Variants in RANBP9 observed in about 807,000 individuals in gnomAD.
RANBP9 encodes the protein RAN binding protein 9, also known as ran-binding protein 9.
Under a neutral mutation model 84.3 loss-of-function variants are expected in RANBP9, and 15 were observed. That is an observed-to-expected ratio of 0.18 (90% CI 0.12 to 0.27). The LOEUF (loss-of-function observed/expected upper bound fraction) is 0.27, where lower values mean the gene tolerates loss of function less well. RANBP9 is among the 10% of genes least tolerant of loss of function. The probability of loss-of-function intolerance (pLI) is 1.00; values close to 1 mark genes in which losing one functional copy is unlikely to be tolerated. For missense variants in RANBP9, 809 were observed against 912.8 expected (o/e 0.89, Z 1.46); for synonymous variants, 392 against 349.6 (o/e 1.12, Z -1.35).
At chr6:13,696,653 T>C (rs1157083862) in intron 2 of RANBP9, 132 bp downstream of exon 2, 1 of 672,642 alleles carries the variant, frequency 1.5e-6, no homozygotes, top group South Asian at 2.1e-5. Context: ...CAATCTGTTA[T>C]ACTGAAATAT....
chr6:13,652,538 T>C (rs889598069), intron 5 of RANBP9, 121 bp downstream of exon 5: 3 of 929,148 alleles, frequency 3.2e-6, no homozygotes, highest in African/African-American at 1.7e-5. Flanking sequence ...TCTTTGCATG[T>C]CATATAAACC....
intron 2 of RANBP9, among the ~76,000 whole-genome samples, chr6:13,670,228 G>A (rs575693521): frequency 9.9e-5 from 15 of 152,130 alleles, no homozygotes; most frequent in South Asian, 6.2e-4. Flanking sequence ...GGGAGGCGGA[G>A]GTTGCAGTGA....
chr6:13,644,298 C>T (rs181153583), intron 6 of RANBP9, among the ~76,000 whole-genome samples: 99 of 152,302 alleles, frequency 6.5e-4, no homozygotes, highest in African/African-American at 2.3e-3. Flanking sequence ...GACCTAACAT[C>T]ATTTTATTTC....
intron 1 of RANBP9, among the ~76,000 whole-genome samples, chr6:13,707,306 A>G (rs1036248194): frequency 3.3e-5 from 5 of 152,226 alleles, no homozygotes; most frequent in African/African-American, 1.2e-4. Context: ...GGCGTAAGCC[A>G]CCACACCCAC....
chr6:13,650,840 T>C (rs1305757493), intron 5 of RANBP9, among the ~76,000 whole-genome samples: 1 of 152,116 alleles, frequency 6.6e-6, no homozygotes, highest in African/African-American at 2.4e-5. Flanking sequence ...GGCGTGCACC[T>C]GTGGTCCCAG....
chr6:13,635,940 G>GT (rs1158658841), intron 10 of RANBP9, among the ~76,000 whole-genome samples: 4 of 151,722 alleles, frequency 2.6e-5, no homozygotes, highest in Admixed American at 1.3e-4. Context: ...CTGCCTTCCT[G>GT]TAGCAAACAA....
chr6:13,640,408 G>T (rs569216877), intron 8 of RANBP9, among the ~76,000 whole-genome samples: 18 of 152,166 alleles, frequency 1.2e-4, no homozygotes, highest in Admixed American at 7.9e-4. Flanking sequence ...TCACTTCTGG[G>T]TATATAACCA....
chr6:13,665,609 C>T (rs1765626996), intron 2 of RANBP9, among the ~76,000 whole-genome samples: 1 of 152,124 alleles, frequency 6.6e-6, no homozygotes, highest in African/African-American at 2.4e-5. Context: ...CCTGCCTACC[C>T]TACGACCCAG....
At position 13,711,464 on chromosome 6, in the gene RANBP9, TTGCTGC is replaced by T. The variant is rs753944658; in HGVS notation, c.36_41del (p.Gln17_Gln18del). ...GTGGCGGCGACAGCTGCTGCTGCTGTTGCTGCTGCTGCGGCGGCGGCGGCGGCGGCT... is the reference window on the plus strand; with the variant it reads ...GTGGCGGCGACAGCTGCTGCTGCTGTTGCTGCGGCGGCGGCGGCGGCGGCT... On this transcript the variant is annotated inframe_deletion, in exon 1 of 14. Transcript: ENST00000011619. 657 of 1,235,874 alleles carry T rather than the reference TTGCTGC, an allele frequency of 5.3e-4. No individual in the cohort carries two copies. The highest frequency in any genetic ancestry group is 2.5e-3 in the South Asian group (70 of 27,786). The allele number at this position is 1,235,874 out of a possible 1,614,324, so 76.6% of individuals were successfully genotyped here. A position where few individuals can be genotyped will look rare whatever the true frequency, so the allele number is the denominator to read the frequency against.
chr6:13,638,466 A>G (rs571056915), intron 9 of RANBP9, among the ~76,000 whole-genome samples: 3 of 152,256 alleles, frequency 2.0e-5, no homozygotes, highest in South Asian at 4.1e-4. Context: ...AGAATGTTAA[A>G]TGTACAAAGA....
chr6:13,666,124 C>CCA (rs144987300), intron 2 of RANBP9, among the ~76,000 whole-genome samples: 29 of 151,242 alleles, frequency 1.9e-4, no homozygotes, highest in South Asian at 4.2e-4. Flanking sequence ...GTAAACTGTA[C>CCA]CACACACACA....
At chr6:13,657,868 T>C (rs1765438890) in intron 3 of RANBP9, among the ~76,000 whole-genome samples, 2 of 152,232 alleles carry the variant, frequency 1.3e-5, no homozygotes, top group Admixed American at 6.5e-5. Context: ...AAACAAAGCA[T>C]GTCAAGGTAA....
At chr6:13,645,816 CAA>C (rs1765165280) in intron 5 of RANBP9, among the ~76,000 whole-genome samples, 2 of 152,178 alleles carry the variant, frequency 1.3e-5, no homozygotes, top group African/African-American at 4.8e-5. Context: ...AGGTAAAGAT[CAA>C]GAGCGGATAA....
At chr6:13,634,164 G>T (rs1317503247) in intron 11 of RANBP9, among the ~76,000 whole-genome samples, 1 of 152,198 alleles carries the variant, frequency 6.6e-6, no homozygotes, top group African/African-American at 2.4e-5. Flanking sequence ...CTCAACACCA[G>T]TAAGTCAGTA....
At chr6:13,686,794 G>T (rs963316241) in intron 2 of RANBP9, among the ~76,000 whole-genome samples, 1 of 152,118 alleles carries the variant, frequency 6.6e-6, no homozygotes, top group African/African-American at 2.4e-5. Flanking sequence ...AAGTCCACTG[G>T]CACATTATCT....
rs546533213 is a variant in RANBP9 at position 13,699,146 on chromosome 6, T to C, written c.572-2250A>G. 3.3e-5 allele frequency among the ~76,000 whole-genome samples: 5 copies of C among 152,324 alleles called. No homozygotes were observed. The South Asian group carries it at 8.3e-4, about 25-fold the overall frequency. ...AAAAAAATAAAATGTTTACACATTA[T>C]ATACCCAGCCCCAAATTGGTAGAAA... On this transcript the variant is annotated intron_variant, in intron 1 of 13. Transcript: ENST00000011619.
At chr6:13,631,136 T>C (rs149583876) in intron 12 of RANBP9, among the ~76,000 whole-genome samples, 497 of 152,290 alleles carry the variant, frequency 3.3e-3, no homozygotes, top group Non-Finnish European at 5.5e-3. Context: ...TAAACTTGTT[T>C]CAATTATCAA....
intron 1 of RANBP9, among the ~76,000 whole-genome samples, chr6:13,697,415 T>C (rs1412877249): frequency 6.6e-6 from 1 of 152,236 alleles, no homozygotes; most frequent in Admixed American, 6.5e-5. Context: ...GTTTTGTTCT[T>C]TGGTATAGTC....
intron 12 of RANBP9, among the ~76,000 whole-genome samples, chr6:13,627,970 A>T (rs912873909): frequency 1.3e-5 from 2 of 152,194 alleles, no homozygotes; most frequent in Non-Finnish European, 2.9e-5. Flanking sequence ...CCTGGAACTT[A>T]AAGGAAAAAA....
Sources: gnomAD v4.1 joint callset for allele counts (sites outside exome capture counted in the v4.1 genomes callset) on GRCh38, gnomAD v4.1.1 for gene constraint, MANE v1.5 for transcripts, NCBI Gene and HGNC (gene_info 2026-07-23, HGNC 2026-07-21) for gene names.